The following SEC11A variants were observed in gnomAD, a reference collection of about 807,000 sequenced individuals.
SEC11A encodes signal peptidase complex catalytic subunit SEC11A.
In SEC11A, 14 loss-of-function variants were observed where a neutral mutation model predicts 25.6. That is an observed-to-expected ratio of 0.55 (90% CI 0.36 to 0.85). SEC11A has a LOEUF of 0.85. Ranked by LOEUF, SEC11A falls within the 40% of genes least tolerant of loss-of-function variation. The probability of loss-of-function intolerance (pLI) is 0.01; values close to 1 mark genes in which losing one functional copy is unlikely to be tolerated. For synonymous variants in SEC11A, 83 were observed against 76.4 expected, an observed-to-expected ratio of 1.09 and a Z score of -0.45; for missense variants, 153 against 222.9, an observed-to-expected ratio of 0.69 and a Z score of 2.00.
chr15:84,700,956 C>G (rs1444082574), intron 1 of SEC11A, among the ~76,000 whole-genome samples: 1 of 141,058 alleles, frequency 7.1e-6, no homozygotes, highest in Non-Finnish European at 1.5e-5. Flanking sequence ...TGTACTCCTA[C>G]CTGGGCAACA....
chr15:84,695,184 T>C (rs1395511416), intron 1 of SEC11A, among the ~76,000 whole-genome samples: 2 of 139,880 alleles, frequency 1.4e-5, no homozygotes, highest in African/African-American at 2.7e-5. Context: ...ATCCAGAGGC[T>C]GGGCTCGGTG....
At chr15:84,686,949 T>G (rs1240491092) in intron 3 of SEC11A, 1 of 152,148 alleles carries the variant, frequency 6.6e-6, no homozygotes, top group East Asian at 1.9e-4. Context: ...CTTGGCTCAC[T>G]GCAACCTCCA....
In SEC11A at chr15:84,670,557, T is replaced by C. The variant is rs1243739110; in HGVS notation, c.489+168A>G. On this transcript the variant is annotated intron_variant, in intron 5 of 5. Transcript: ENST00000268220. Reference sequence around the variant, plus strand: ...CCCAGGCTAATAATTTTTTTTTTTTTTTAATAGAGACGGGGTTTCGCTATG... The same window carrying C: ...CCCAGGCTAATAATTTTTTTTTTTTCTTAATAGAGACGGGGTTTCGCTATG... 7.0e-5 allele frequency: 29 copies of C among 416,054 alleles called. 1 individual carries two copies. The highest frequency in any genetic ancestry group is 8.4e-5 in the Non-Finnish European group (19 of 227,266). The allele number at this position is 416,054 out of a possible 1,614,324, so 25.8% of individuals were successfully genotyped here. A position where few individuals can be genotyped will look rare whatever the true frequency, so the allele number is the denominator to read the frequency against.
At chr15:84,698,036 G>A (rs913144899) in intron 1 of SEC11A, among the ~76,000 whole-genome samples, 2 of 151,262 alleles carry the variant, frequency 1.3e-5, no homozygotes, top group Non-Finnish European at 3.0e-5. Context: ...ATTGTGTAGA[G>A]CCTTCCCCCA....
At chr15:84,709,271 T>G (rs1466069592) in intron 1 of SEC11A, among the ~76,000 whole-genome samples, 3 of 152,042 alleles carry the variant, frequency 2.0e-5, no homozygotes, top group Non-Finnish European at 4.4e-5. Context: ...GCTCAAGCAA[T>G]CATCCTGCCT....
intron 3 of SEC11A, among the ~76,000 whole-genome samples, chr15:84,683,147 GA>G (rs1167411602): frequency 6.6e-6 from 1 of 152,154 alleles, no homozygotes; most frequent in Non-Finnish European, 1.5e-5. Context: ...GTGAAAAAAG[GA>G]AAAATTCTGA....
At chr15:84,685,145 T>C (rs114386000) in intron 3 of SEC11A, among the ~76,000 whole-genome samples, 339 of 152,312 alleles carry the variant, frequency 2.2e-3, no homozygotes, top group African/African-American at 8.0e-3. Flanking sequence ...CAGAATTCTG[T>C]ACAAAATTAT....
chr15:84,670,104 G>A, intron 5 of SEC11A, 35 bp from the exon 6 acceptor site: 1 of 1,604,386 alleles, frequency 6.2e-7, no homozygotes, highest in Non-Finnish European at 8.5e-7. Context: ...AGTCAGAGAA[G>A]CGTTGAAAAG....
intron 4 of SEC11A, among the ~76,000 whole-genome samples, chr15:84,680,467 C>G (rs894337093): frequency 6.6e-6 from 1 of 152,120 alleles, no homozygotes; most frequent in Non-Finnish European, 1.5e-5. Flanking sequence ...TTGTCACATC[C>G]AATTCACCAT....
intron 1 of SEC11A, 177 bp from the exon 2 acceptor site, chr15:84,691,821 C>A: frequency 2.3e-6 from 1 of 428,092 alleles, no homozygotes; most frequent in Non-Finnish European, 4.1e-6. Context: ...GGCCCCCCTT[C>A]TTTCACCCAA....
intron 4 of SEC11A, among the ~76,000 whole-genome samples, chr15:84,675,174 G>C (rs892959370): frequency 2.6e-5 from 4 of 152,198 alleles, no homozygotes; most frequent in African/African-American, 9.6e-5. Context: ...GAGGTTTAAA[G>C]TAAGTAAAAT....
At chr15:84,689,168 A>G (rs1039764153) in intron 2 of SEC11A, among the ~76,000 whole-genome samples, 1 of 152,130 alleles carries the variant, frequency 6.6e-6, no homozygotes, top group African/African-American at 2.4e-5. Context: ...CAGGAGTTCA[A>G]GACTCAGTCT....
rs772428967 is a variant in SEC11A, at chr15:84,669,730, T to C, written c.*289A>G. On this transcript the variant is annotated 3_prime_UTR_variant, in exon 6 of 6. Coordinates refer to ENST00000268220, the MANE Select transcript of SEC11A (RefSeq NM_014300.4). ...CTTCAAAATACAAACACTGGGGGCT[T>C]TGGCTCAACCTTTTAATATAAAAAA... 9 of 405,374 alleles carry C rather than the reference T, an allele frequency of 2.2e-5. No individual in the cohort carries two copies. The highest frequency in any genetic ancestry group is 3.6e-5 in the Non-Finnish European group (8 of 221,142). 25.1% of individuals were successfully genotyped at this position (405,374 alleles called of 1,614,324 possible).
chr15:84,699,923 C>A (rs1004561579), intron 1 of SEC11A, among the ~76,000 whole-genome samples: 1 of 151,940 alleles, frequency 6.6e-6, no homozygotes, highest in Non-Finnish European at 1.5e-5. Context: ...GCTCTTATGG[C>A]GTAAGAATAG....
At chr15:84,684,748 A>G (rs1003963072) in intron 3 of SEC11A, among the ~76,000 whole-genome samples, 4 of 152,130 alleles carry the variant, frequency 2.6e-5, no homozygotes, top group East Asian at 1.9e-4. Context: ...TCTGGCCAAC[A>G]TGGTGAAACC....
intron 4 of SEC11A, chr15:84,680,012 C>A: frequency 1.6e-6 from 2 of 1,283,434 alleles, no homozygotes; most frequent in South Asian, 1.3e-5. Flanking sequence ...TTTCATTCAA[C>A]CTCATCAATT....
At chr15:84,701,770 T>C (rs1216717891) in intron 1 of SEC11A, among the ~76,000 whole-genome samples, 3 of 151,976 alleles carry the variant, frequency 2.0e-5, no homozygotes, top group Admixed American at 2.0e-4. Context: ...TGCATTAATA[T>C]CATACAAAGT....
chr15:84,687,506 G>C (rs1897462759), intron 3 of SEC11A, 119 bp downstream of exon 3: 2 of 670,002 alleles, frequency 3.0e-6, no homozygotes, highest in Non-Finnish European at 4.6e-6. Flanking sequence ...CATAAAAATG[G>C]ACTGGAAGAA....
At position 84,669,920 on chromosome 15, in the gene SEC11A, A is replaced by G; in HGVS notation, c.*99T>C. ...ACCAGTGCTACCCAGAAGCACCAACACGTGTGTTCTCCATTCCACCAATCA... is the reference window on the plus strand; with the variant it reads ...ACCAGTGCTACCCAGAAGCACCAACGCGTGTGTTCTCCATTCCACCAATCA... On this transcript the variant is annotated 3_prime_UTR_variant, in exon 6 of 6. Transcript: ENST00000268220. 1 of 1,592,978 alleles carries G rather than the reference A, an allele frequency of 6.3e-7. No individual in the cohort carries two copies. Among genetic ancestry groups the G allele is most frequent in the Non-Finnish European group, 8.5e-7 (1 of 1,169,854 alleles).
Sources: gnomAD v4.1 joint callset for allele counts (sites outside exome capture counted in the v4.1 genomes callset) on GRCh38, gnomAD v4.1.1 for gene constraint, MANE v1.5 for transcripts, NCBI Gene and HGNC (gene_info 2026-07-23, HGNC 2026-07-21) for gene names.